Variants in LIMD1 observed in about 807,000 individuals in gnomAD.
LIMD1 encodes the protein LIM domain containing 1.
LIMD1 carries 23 observed loss-of-function variants against 58.4 expected under a neutral mutation model. The observed-to-expected ratio is 0.39, with a 90% CI of 0.28 to 0.56. The LOEUF (loss-of-function observed/expected upper bound fraction) is 0.56. Among genes scored for constraint, LIMD1 ranks in the 20% least tolerant of loss-of-function variants. The pLI is 0.57. For synonymous variants in LIMD1, 334 were observed against 345.5 expected (o/e 0.97, Z 0.37); for missense variants, 838 against 855.5 (o/e 0.98, Z 0.25).
chr3:45,601,580 T>TG (rs1701413325), intron 1 of LIMD1, among the ~76,000 whole-genome samples: 1 of 152,178 alleles, frequency 6.6e-6, no homozygotes, highest in Non-Finnish European at 1.5e-5. Flanking sequence ...GTAGCTACCG[T>TG]GTGTCAAGTG....
At chr3:45,623,301 T>TG (rs1480056945) in intron 1 of LIMD1, among the ~76,000 whole-genome samples, 1 of 152,166 alleles carries the variant, frequency 6.6e-6, no homozygotes, top group Non-Finnish European at 1.5e-5. Context: ...AACCAGAGGC[T>TG]GCAGGCTGGG....
intron 2 of LIMD1, among the ~76,000 whole-genome samples, chr3:45,665,394 C>T (rs1284528644): frequency 1.3e-5 from 2 of 151,870 alleles, no homozygotes; most frequent in African/African-American, 4.8e-5. Context: ...GGAAGGTGAG[C>T]GTAGGATGAC....
chr3:45,621,563 G>A (rs1701628677), intron 1 of LIMD1, among the ~76,000 whole-genome samples: 1 of 152,026 alleles, frequency 6.6e-6, no homozygotes, highest in African/African-American at 2.4e-5. Context: ...TTATAGAAAC[G>A]TTTCTATTAG....
intron 1 of LIMD1, among the ~76,000 whole-genome samples, chr3:45,612,436 C>G (rs1477936224): frequency 1.3e-5 from 2 of 152,180 alleles, no homozygotes. Flanking sequence ...GGCTCAATGC[C>G]TGGAAGTCAT....
chr3:45,646,212 G>A (rs937432662), intron 2 of LIMD1, among the ~76,000 whole-genome samples: 2 of 152,154 alleles, frequency 1.3e-5, no homozygotes, highest in Non-Finnish European at 2.9e-5. Flanking sequence ...AAGTGTGTTC[G>A]TGCCCAGGGG....
chr3:45,612,927 C>T (rs561052384), intron 1 of LIMD1: 22 of 152,320 alleles, frequency 1.4e-4, no homozygotes, highest in African/African-American at 5.1e-4. Flanking sequence ...AGTCCCCTGA[C>T]GCCTATCTTC....
intron 1 of LIMD1, among the ~76,000 whole-genome samples, chr3:45,633,298 G>T (rs1045581650): frequency 6.6e-6 from 1 of 152,140 alleles, no homozygotes. Flanking sequence ...CTTTTTGGGG[G>T]TGTTGGAAAT....
intron 1 of LIMD1, among the ~76,000 whole-genome samples, chr3:45,629,949 T>C (rs1701710843): frequency 6.6e-6 from 1 of 152,238 alleles, no homozygotes; most frequent in African/African-American, 2.4e-5. Context: ...TACAGCTTAT[T>C]ATATGCTACT....
chr3:45,673,811 G>A (rs57793084), intron 6 of LIMD1: 86 of 385,584 alleles, frequency 2.2e-4, no homozygotes, highest in African/African-American at 1.5e-3. Flanking sequence ...AGCTGCTTGA[G>A]CCCAAGAGTT....
Position 45,594,853 on chromosome 3 carries a change from G to A in LIMD1, c.-27G>A. On this transcript the variant is annotated 5_prime_UTR_variant, in exon 1 of 8. Transcript: ENST00000273317. Reference sequence around the variant, plus strand: ...CACACACACACACACACGGCACCTGGGCTAGGCCCGGACACCTGTCTGCAG... The same window carrying A: ...CACACACACACACACACGGCACCTGAGCTAGGCCCGGACACCTGTCTGCAG... The A allele has an allele frequency of 6.9e-7, 1 of 1,442,312 alleles. No individual in the cohort carries two copies. Among genetic ancestry groups the A allele is most frequent in the Non-Finnish European group, 9.3e-7 (1 of 1,073,890 alleles). 89.3% of individuals were successfully genotyped at this position (1,442,312 alleles called of 1,614,324 possible).
At chr3:45,670,398 G>GCTT (rs10663285) in intron 4 of LIMD1, among the ~76,000 whole-genome samples, 12,980 of 152,156 alleles carry the variant, frequency 0.085, 617 homozygotes, top group East Asian at 0.15. Context: ...TTATCATCAT[G>GCTT]CTTCATGCTG....
At chr3:45,676,476 C>G (rs1215382491) in intron 7 of LIMD1, among the ~76,000 whole-genome samples, 1 of 152,210 alleles carries the variant, frequency 6.6e-6, no homozygotes, top group South Asian at 2.1e-4. Context: ...CCAACAGGCC[C>G]TGGTGTGTGT....
chr3:45,663,346 T>G (rs149547551), intron 2 of LIMD1, among the ~76,000 whole-genome samples: 1 of 152,340 alleles, frequency 6.6e-6, no homozygotes, highest in East Asian at 1.9e-4. Flanking sequence ...GGATTATGTG[T>G]ATTTTCAGAT....
intron 2 of LIMD1, among the ~76,000 whole-genome samples, chr3:45,636,773 G>A (rs548668701): frequency 1.1e-4 from 16 of 152,262 alleles, no homozygotes; most frequent in Admixed American, 8.5e-4. Context: ...ATGTGCTGGT[G>A]CCTACCTAGC....
rs1318961622 is a variant in LIMD1 at position 45,685,328 on chromosome 3, C to T, written c.*8269C>T. The T allele has an allele frequency of 6.6e-6, 1 of 152,176 alleles. No individual in the cohort carries two copies. The highest frequency in any genetic ancestry group is 2.4e-5 in the African/African-American group (1 of 41,440). 9.4% of individuals were successfully genotyped at this position (152,176 alleles called of 1,614,324 possible). A position where few individuals can be genotyped will look rare whatever the true frequency, so the allele number is the denominator to read the frequency against. On this transcript the variant is annotated 3_prime_UTR_variant, in exon 8 of 8. Coordinates refer to ENST00000273317, the MANE Select transcript of LIMD1 (RefSeq NM_014240.3). ...TGGTTTTCAGTCTCACTGAATGTCA[C>T]AAAGGCCTTGGTTTATGGTTCCCAA...
In LIMD1 at chr3:45,594,911, C is replaced by G; in HGVS notation, c.32C>G (p.Ala11Gly). ...AAGTATGACGACCTGGGCCTGGAGG[C>G]CAGTAAATTCATCGAGGACCTGAAC... Reference protein sequence around the residue: MDKYDDLGLEASKFIEDLNMY... With the variant: MDKYDDLGLEGSKFIEDLNMY... Residue 11 changes from alanine (A) to glycine (G), a missense_variant, in exon 1 of 8, where the codon GCC becomes GGC. Around this residue, in one of 3 missense-constraint regions of LIMD1, gnomAD observed 659 missense variants for 639.8 expected, o/e 1.03. Transcript: ENST00000273317. 6.2e-7 allele frequency: 1 copy of G among 1,612,094 alleles called. No homozygotes were observed. The highest frequency in any genetic ancestry group is 8.5e-7 in the Non-Finnish European group (1 of 1,179,566).
intron 1 of LIMD1, among the ~76,000 whole-genome samples, chr3:45,611,858 A>G (rs1035409390): frequency 8.5e-5 from 13 of 152,150 alleles, no homozygotes; most frequent in Non-Finnish European, 1.9e-4. Flanking sequence ...TCCTCTACCC[A>G]TAGCACACAG....
intron 2 of LIMD1, among the ~76,000 whole-genome samples, chr3:45,658,633 A>G (rs2118752): frequency 0.74 from 108,051 of 146,474 alleles, 39,789 homozygotes; most frequent in Middle Eastern, 0.88. Context: ...TCAGCTCACC[A>G]CAATCTCCAC....
At chr3:45,668,219 C>T (rs1697543005) in intron 3 of LIMD1, 75 bp from the exon 4 acceptor site, 1 of 1,149,138 alleles carries the variant, frequency 8.7e-7, no homozygotes, top group South Asian at 1.3e-5. Flanking sequence ...TCCTTATAAT[C>T]CTCTTGGCTG....
Sources: allele counts gnomAD v4.1 joint callset (sites outside exome capture counted in the v4.1 genomes callset), GRCh38; gene constraint gnomAD v4.1.1; regional missense constraint gnomAD v4.1.1; transcripts MANE v1.5; gene names NCBI Gene and HGNC (gene_info 2026-07-23, HGNC 2026-07-21).